Variants in EPHB2 observed in about 807,000 individuals in gnomAD.
EPHB2 encodes the protein EPH receptor B2.
A neutral mutation model predicts 96.4 loss-of-function variants in EPHB2; 18 were observed. The observed-to-expected ratio is 0.19, with a 90% confidence interval of 0.13 to 0.28. The LOEUF (loss-of-function observed/expected upper bound fraction) is 0.28, where lower values mean the gene tolerates loss of function less well. Ranked by LOEUF, EPHB2 falls within the 10% of genes least tolerant of loss-of-function variation. The pLI is 1.00. For synonymous variants in EPHB2, 506 were observed against 534.1 expected, an observed-to-expected ratio of 0.95 and a Z score of 0.72; for missense variants, 989 against 1,355.4, an observed-to-expected ratio of 0.73 and a Z score of 4.25.
chr1:22,881,147 C>T (rs558274024), intron 5 of EPHB2, among the ~76,000 whole-genome samples: 10 of 152,244 alleles, frequency 6.6e-5, no homozygotes, highest in Non-Finnish European at 1.3e-4. Flanking sequence ...ATGCCTATAA[C>T]CCCAGCACTC....
intron 3 of EPHB2, among the ~76,000 whole-genome samples, chr1:22,816,418 A>G (rs1274462178): frequency 6.6e-6 from 1 of 151,988 alleles, no homozygotes. Context: ...TTCATACCGC[A>G]TTGCCTTCTC....
At chr1:22,774,354 C>T (rs927906451) in intron 1 of EPHB2, among the ~76,000 whole-genome samples, 8 of 152,134 alleles carry the variant, frequency 5.3e-5, no homozygotes, top group Admixed American at 3.9e-4. Context: ...GCCTGGCACA[C>T]ATCGGGTGGA....
intron 6 of EPHB2, among the ~76,000 whole-genome samples, chr1:22,884,616 T>A (rs1639163957): frequency 1.1e-5 from 1 of 93,302 alleles, no homozygotes; most frequent in Non-Finnish European, 2.1e-5. Context: ...TGAGATGCTG[T>A]CTCAAAAAAA....
intron 1 of EPHB2, among the ~76,000 whole-genome samples, chr1:22,743,829 A>G (rs374669497): frequency 6.6e-6 from 1 of 152,210 alleles, no homozygotes; most frequent in Non-Finnish European, 1.5e-5. Flanking sequence ...CCTGGCACAT[A>G]GTAGGCCTCC....
chr1:22,713,367 T>C (rs1042640359), intron 1 of EPHB2, among the ~76,000 whole-genome samples: 2 of 152,118 alleles, frequency 1.3e-5, no homozygotes, highest in Non-Finnish European at 2.9e-5. Flanking sequence ...TTTCTCTGGG[T>C]GTAAAATGGC....
chr1:22,753,364 G>T (rs1027988520), intron 1 of EPHB2, among the ~76,000 whole-genome samples: 1 of 152,204 alleles, frequency 6.6e-6, no homozygotes. Context: ...ATCCTGGCCC[G>T]TGCTGGACAC....
intron 1 of EPHB2, among the ~76,000 whole-genome samples, chr1:22,744,856 A>G (rs1456285804): frequency 6.6e-6 from 1 of 151,966 alleles, no homozygotes; most frequent in Non-Finnish European, 1.5e-5. Flanking sequence ...GTGTCTCAAA[A>G]AAAGAAAAAA....
At chr1:22,900,282 A>G (rs943146755) in intron 9 of EPHB2, among the ~76,000 whole-genome samples, 5 of 152,308 alleles carry the variant, frequency 3.3e-5, no homozygotes, top group African/African-American at 1.2e-4. Flanking sequence ...GAACAGAGCA[A>G]GACTCCTCAA....
intron 1 of EPHB2, among the ~76,000 whole-genome samples, chr1:22,736,112 A>G (rs964000879): frequency 2.6e-5 from 4 of 152,206 alleles, no homozygotes; most frequent in East Asian, 1.9e-4. Flanking sequence ...GTAGTGCTCA[A>G]TAAAGATGAT....
chr1:22,794,904 T>G (rs35360906), intron 3 of EPHB2, among the ~76,000 whole-genome samples: 3,854 of 151,900 alleles, frequency 0.025, 78 homozygotes, highest in Non-Finnish European at 0.035. Context: ...CTTTAGAATC[T>G]GGCAAGAGAG....
intron 5 of EPHB2, among the ~76,000 whole-genome samples, chr1:22,881,799 G>T (rs1387865079): frequency 1.3e-5 from 2 of 152,046 alleles, no homozygotes; most frequent in African/African-American, 4.8e-5. Flanking sequence ...CACCATGTTG[G>T]CAAGGCTGGT....
chr1:22,714,190 C>CG (rs537358617), intron 1 of EPHB2, among the ~76,000 whole-genome samples: 7 of 152,158 alleles, frequency 4.6e-5, no homozygotes, highest in Non-Finnish European at 8.8e-5. Context: ...GAGCATGATA[C>CG]GGGGTCCAAC....
intron 3 of EPHB2, among the ~76,000 whole-genome samples, chr1:22,844,804 T>A (rs1202195879): frequency 6.6e-6 from 1 of 152,212 alleles, no homozygotes; most frequent in Non-Finnish European, 1.5e-5. Flanking sequence ...GGACCTTGAC[T>A]GATCCCAGTC....
intron 5 of EPHB2, among the ~76,000 whole-genome samples, chr1:22,866,961 A>C (rs899189132): frequency 2.6e-5 from 4 of 152,156 alleles, no homozygotes; most frequent in African/African-American, 9.7e-5. Flanking sequence ...AGGAGAGAGC[A>C]ACTGACTCCA....
chr1:22,785,419 G>A (rs560262258), intron 3 of EPHB2, among the ~76,000 whole-genome samples: 5 of 152,310 alleles, frequency 3.3e-5, no homozygotes, highest in East Asian at 3.9e-4. Context: ...TTAAGAAAAC[G>A]TATGTTATAG....
intron 1 of EPHB2, among the ~76,000 whole-genome samples, chr1:22,769,394 T>G (rs1413983454): frequency 1.3e-5 from 2 of 151,858 alleles, no homozygotes; most frequent in African/African-American, 4.8e-5. Context: ...TTTTTGATTC[T>G]CCAATACTTT....
intron 3 of EPHB2, among the ~76,000 whole-genome samples, chr1:22,815,045 A>G (rs1645053305): frequency 6.6e-6 from 1 of 152,186 alleles, no homozygotes; most frequent in Non-Finnish European, 1.5e-5. Flanking sequence ...GCACCCATAG[A>G]GGCCTTTCCT....
At chr1:22,789,256 G>C (rs12724658) in intron 3 of EPHB2, among the ~76,000 whole-genome samples, 101,898 of 152,138 alleles carry the variant, frequency 0.67, 37,357 homozygotes, top group Non-Finnish European at 0.83. Flanking sequence ...AGAGGATGTG[G>C]TTTGAAAAGA....
At chr1:22,838,855 C>T (rs913786595) in intron 3 of EPHB2, among the ~76,000 whole-genome samples, 4 of 151,880 alleles carry the variant, frequency 2.6e-5, no homozygotes, top group East Asian at 1.9e-4. Context: ...GGTGTGAACC[C>T]GGGAGGCAGA....
Sources: gnomAD v4.1 joint callset for allele counts (sites outside exome capture counted in the v4.1 genomes callset) on GRCh38, gnomAD v4.1.1 for gene constraint, MANE v1.5 for transcripts, NCBI Gene and HGNC (gene_info 2026-07-23, HGNC 2026-07-21) for gene names.